ZNF385D: variants seen among roughly 807,000 people sequenced by gnomAD.
ZNF385D encodes the protein zinc finger protein 659.
In ZNF385D, 15 loss-of-function variants were observed where a neutral mutation model predicts 35.8. The ratio of observed to expected loss-of-function variants is 0.42; its 90% CI spans 0.28 to 0.64. ZNF385D has a LOEUF of 0.64. ZNF385D is among the 30% of genes least tolerant of loss of function. The probability of loss-of-function intolerance (pLI) is 0.23; values close to 1 mark genes in which losing one functional copy is unlikely to be tolerated. For synonymous variants in ZNF385D, 212 were observed against 186.8 expected (o/e 1.13, Z -1.10); for missense variants, 474 against 494.6 (o/e 0.96, Z 0.39).
intron 3 of ZNF385D, among the ~76,000 whole-genome samples, chr3:21,819,437 A>C (rs1338138335): frequency 6.7e-6 from 1 of 150,098 alleles, no homozygotes; most frequent in Non-Finnish European, 1.5e-5. Context: ...TACCACCCAA[A>C]ACCTGACTAT....
At chr3:21,913,396 C>A (rs542370277) in intron 3 of ZNF385D, among the ~76,000 whole-genome samples, 1 of 152,066 alleles carries the variant, frequency 6.6e-6, no homozygotes, top group Non-Finnish European at 1.5e-5. Context: ...TTTCCCCAAC[C>A]TGATGTTAGA....
intron 1 of ZNF385D, among the ~76,000 whole-genome samples, chr3:21,732,030 G>GTTTTTTTTTTTTTTTTTTTTTT (rs1214143626): frequency 1.6e-4 from 6 of 37,370 alleles, no homozygotes; most frequent in Non-Finnish European, 2.8e-4. Context: ...TTTTTTCGGG[G>GTTTTTTTTTTTTTTTTTTTTTT]TTTTTTTTTT....
intron 3 of ZNF385D, among the ~76,000 whole-genome samples, chr3:21,867,639 T>C (rs551921291): frequency 1.3e-5 from 2 of 152,292 alleles, no homozygotes; most frequent in East Asian, 3.9e-4. Context: ...TGGGAATACA[T>C]ACATTTTGAT....
At chr3:21,969,310 T>C (rs1040277679) in intron 3 of ZNF385D, among the ~76,000 whole-genome samples, 5 of 151,976 alleles carry the variant, frequency 3.3e-5, no homozygotes, top group African/African-American at 4.8e-5. Flanking sequence ...GTGGAGGTAA[T>C]TGAGTCATGG....
At chr3:22,143,660 T>A (rs1452726623) in intron 3 of ZNF385D, among the ~76,000 whole-genome samples, 1 of 152,218 alleles carries the variant, frequency 6.6e-6, no homozygotes, top group African/African-American at 2.4e-5. Context: ...ACTTTCACAC[T>A]GTTACCAACA....
intron 2 of ZNF385D, among the ~76,000 whole-genome samples, chr3:22,308,364 C>G (rs1703349975): frequency 6.6e-6 from 1 of 151,928 alleles, no homozygotes; most frequent in Admixed American, 6.6e-5. Flanking sequence ...ATTTACCTTT[C>G]CAGCTTAATT....
intron 1 of ZNF385D, among the ~76,000 whole-genome samples, chr3:21,718,076 G>C (rs1323674856): frequency 3.3e-5 from 5 of 152,162 alleles, no homozygotes; most frequent in Non-Finnish European, 5.9e-5. Context: ...GTTGTTGCTG[G>C]TGTTGGGACT....
rs1704727234 is a variant in ZNF385D at position 21,482,750 on chromosome 3, C to T, written c.439+28111G>A. 2.0e-5 allele frequency among the ~76,000 whole-genome samples: 3 copies of T among 152,100 alleles called. 1 individual carries two copies. In the South Asian group the frequency reaches 6.2e-4, roughly 32 times the overall value. The stretch of plus-strand genomic sequence containing the variant: ...GCATGAGTACCTAGGATGTCTTAGT[C>T]CCATCCTTCTACCATGGTACTCTTC... On this transcript the variant is annotated intron_variant, in intron 4 of 7. Transcript: ENST00000281523.
intron 2 of ZNF385D, among the ~76,000 whole-genome samples, chr3:22,173,390 G>C (rs1274250740): frequency 2.6e-5 from 4 of 152,164 alleles, no homozygotes; most frequent in South Asian, 4.1e-4. Flanking sequence ...ATCGACAATA[G>C]AGAAAATTGG....
chr3:22,372,444 A>G lies in ZNF385D; in HGVS notation c.106+6T>C, dbSNP rs1003389441. ...ACCGAGACACCTCTTTTTGCACTCA[A>G]CTTACCGCGGCTGGGCTGAGCTTTC... is the stretch of plus-strand genomic sequence containing the variant. On this transcript the variant is annotated splice_donor_region_variant and intron_variant, in intron 2 of 5. Coordinates refer to the ZNF385D transcript ENST00000494108. 6.5e-5 allele frequency: 64 copies of G among 985,568 alleles called. 1 individual carries two copies. The highest frequency in any genetic ancestry group is 1.1e-4 in the African/African-American group (6 of 57,142). 61.1% of individuals were successfully genotyped at this position (985,568 alleles called of 1,614,324 possible).
chr3:21,990,206 A>G (rs899379145), intron 3 of ZNF385D, among the ~76,000 whole-genome samples: 2 of 152,232 alleles, frequency 1.3e-5, no homozygotes, highest in African/African-American at 4.8e-5. Flanking sequence ...CTAAAATTCC[A>G]GATTTGCCAG....
intron 3 of ZNF385D, among the ~76,000 whole-genome samples, chr3:21,944,334 G>C (rs1701673715): frequency 6.6e-6 from 1 of 152,192 alleles, no homozygotes; most frequent in Non-Finnish European, 1.5e-5. Context: ...ATCACACTGA[G>C]AACTGTCAAA....
At chr3:21,931,024 A>C (rs1406311296) in intron 3 of ZNF385D, among the ~76,000 whole-genome samples, 1 of 152,164 alleles carries the variant, frequency 6.6e-6, no homozygotes, top group Non-Finnish European at 1.5e-5. Flanking sequence ...ATGAAATGCC[A>C]AGTCATATAA....
chr3:22,176,416 T>C (rs1490637475), intron 2 of ZNF385D, among the ~76,000 whole-genome samples: 2 of 152,208 alleles, frequency 1.3e-5, no homozygotes, highest in Non-Finnish European at 2.9e-5. Context: ...ACATTTTAAT[T>C]AGGAACATCT....
At chr3:21,660,780 C>G (rs911326029) in intron 2 of ZNF385D, among the ~76,000 whole-genome samples, 6 of 152,246 alleles carry the variant, frequency 3.9e-5, no homozygotes, top group African/African-American at 1.4e-4. Flanking sequence ...AGAGTCTGGG[C>G]TTTTAAATTG....
intron 4 of ZNF385D, among the ~76,000 whole-genome samples, chr3:21,457,346 C>CGTTGTTGTTGTTGTTGTT (rs34762256): frequency 6.6e-6 from 1 of 150,734 alleles, no homozygotes; most frequent in African/African-American, 2.4e-5. Flanking sequence ...TTGTTGTTGT[C>CGTTGTTGTTGTTGTTGTT]GTTGTTGTTG....
At chr3:21,658,354 T>G (rs1325238136) in intron 2 of ZNF385D, among the ~76,000 whole-genome samples, 1 of 152,056 alleles carries the variant, frequency 6.6e-6, no homozygotes, top group Non-Finnish European at 1.5e-5. Context: ...AGGAGATGAC[T>G]CGAGTCTATG....
chr3:22,235,850 T>A (rs1161572546), intron 2 of ZNF385D, among the ~76,000 whole-genome samples: 3 of 152,090 alleles, frequency 2.0e-5, no homozygotes, highest in Non-Finnish European at 4.4e-5. Context: ...TATAAAAATT[T>A]AATTTAAAAA....
At chr3:22,200,360 G>T (rs867760877) in intron 2 of ZNF385D, among the ~76,000 whole-genome samples, 1 of 152,024 alleles carries the variant, frequency 6.6e-6, no homozygotes, top group African/African-American at 2.4e-5. Context: ...ATCACATGTC[G>T]GTAGGTTCCA....
Sources: allele counts gnomAD v4.1 joint callset (sites outside exome capture counted in the v4.1 genomes callset), GRCh38; gene constraint gnomAD v4.1.1; transcripts MANE v1.5; gene names NCBI Gene and HGNC (gene_info 2026-07-23, HGNC 2026-07-21).